CCDC88A: variants seen among roughly 807,000 people sequenced by gnomAD.
CCDC88A encodes girdin.
A neutral mutation model predicts 234.3 loss-of-function variants in CCDC88A; 54 were observed. The ratio of observed to expected loss-of-function variants is 0.23; its 90% CI spans 0.19 to 0.29. CCDC88A has a LOEUF of 0.29. CCDC88A is among the 10% of genes least tolerant of loss of function. CCDC88A has a pLI of 1.00. For missense variants in CCDC88A, 1,832 were observed against 2,123.4 expected, an observed-to-expected ratio of 0.86 and a Z score of 2.70; for synonymous variants, 753 against 737.8, an observed-to-expected ratio of 1.02 and a Z score of -0.33.
chr2:55,374,260 T>A (rs1240465848), intron 4 of CCDC88A, among the ~76,000 whole-genome samples: 1 of 152,006 alleles, frequency 6.6e-6, no homozygotes, highest in East Asian at 1.9e-4. Flanking sequence ...TCCAGCTACT[T>A]GGGAGGCTGA....
In CCDC88A at chr2:55,411,797, A is replaced by AC. The variant is rs1311136899; in HGVS notation, c.164+7018_164+7019insG. 9.2e-3 allele frequency among the ~76,000 whole-genome samples: 1,315 copies of AC among 143,388 alleles called. 39 individuals are homozygous for AC. The highest frequency in any genetic ancestry group is 0.014 in the Non-Finnish European group (908 of 65,934). The allele number at this position is 143,388 out of a possible 152,430, so 94.1% of individuals were successfully genotyped here. On this transcript the variant is annotated intron_variant, in intron 2 of 32. Coordinates refer to ENST00000436346, the MANE Select transcript of CCDC88A (RefSeq NM_001365480.1). Reference sequence around the variant, plus strand: ...TCCGTCTCAAAAAAAAAAAAAAAAAAAAAAAACTCAACATATTGGACAGGA... The same window carrying AC: ...TCCGTCTCAAAAAAAAAAAAAAAAAACAAAAAACTCAACATATTGGACAGGA...
At chr2:55,356,353 T>C (rs773584946) in intron 7 of CCDC88A, 1 of 151,974 alleles carries the variant, frequency 6.6e-6, no homozygotes, top group Admixed American at 6.5e-5. Flanking sequence ...GGCTGCATAG[T>C]ATCCCATGGT....
At chr2:55,401,433 C>CAAAAAAAAAAAAA (rs1418741634) in intron 2 of CCDC88A, among the ~76,000 whole-genome samples, 6,487 of 29,824 alleles carry the variant, frequency 0.22, 2,669 homozygotes, top group Admixed American at 0.26. Context: ...GACTCTGTCT[C>CAAAAAAAAAAAAA]CAAAAAAAAA....
At chr2:55,339,372 C>T (rs7561604) in intron 13 of CCDC88A, 92 bp downstream of exon 13, 7 of 1,112,372 alleles carry the variant, frequency 6.3e-6, no homozygotes, top group African/African-American at 3.3e-5. Context: ...TAACATTGAG[C>T]GTGCATTTAA....
At chr2:55,363,507 C>T (rs1483579607) in intron 6 of CCDC88A, 1 of 152,194 alleles carries the variant, frequency 6.6e-6, no homozygotes, top group African/African-American at 2.4e-5. Flanking sequence ...ATGAATGCTA[C>T]AAATCATTAA....
chr2:55,355,064 C>T (rs565899019), intron 8 of CCDC88A, among the ~76,000 whole-genome samples: 2 of 150,848 alleles, frequency 1.3e-5, no homozygotes, highest in Admixed American at 6.7e-5. Flanking sequence ...ACTGAAATGT[C>T]GTTATGTGGC....
intron 2 of CCDC88A, among the ~76,000 whole-genome samples, chr2:55,401,486 G>GTA (rs1295313684): frequency 4.5e-5 from 1 of 22,216 alleles, no homozygotes; most frequent in African/African-American, 1.4e-4. Flanking sequence ...GTGTATGTAT[G>GTA]TGTGTGTGTA....
chr2:55,304,644 G>C (rs1189331132), intron 25 of CCDC88A, among the ~76,000 whole-genome samples: 1 of 152,092 alleles, frequency 6.6e-6, no homozygotes, highest in Non-Finnish European at 1.5e-5. Flanking sequence ...ATTTTGAAGA[G>C]CTTTTTGAAG....
At chr2:55,370,294 C>T (rs1431381238) in intron 5 of CCDC88A, among the ~76,000 whole-genome samples, 2 of 152,078 alleles carry the variant, frequency 1.3e-5, no homozygotes, top group African/African-American at 2.4e-5. Flanking sequence ...ATGATGGTCT[C>T]CTTGAGCCTT....
chr2:55,375,468 ACTATATATAT>A lies in CCDC88A; in HGVS notation c.274-595_274-586del, dbSNP rs1673483262. On this transcript the variant is annotated intron_variant, in intron 3 of 32. Coordinates refer to ENST00000436346, the MANE Select transcript of CCDC88A (RefSeq NM_001365480.1). ...TCAAATTTATAAGTACTGTCACTGT[ACTATATATAT>A]ATATATATATATATATATATATATA... Among the ~76,000 whole-genome samples, 13 of 129,714 alleles carry A rather than the reference ACTATATATAT, an allele frequency of 1.0e-4. 1 individual carries two copies. Among genetic ancestry groups the A allele is most frequent in the East Asian group, 2.8e-4 (1 of 3,524 alleles). The allele number at this position is 129,714 out of a possible 152,430, so 85.1% of individuals were successfully genotyped here. A position where few individuals can be genotyped will look rare whatever the true frequency, so the allele number is the denominator to read the frequency against.
At chr2:55,395,772 A>G (rs1411184478) in intron 2 of CCDC88A, among the ~76,000 whole-genome samples, 2 of 152,240 alleles carry the variant, frequency 1.3e-5, no homozygotes, top group East Asian at 1.9e-4. Flanking sequence ...GATCTGCAGA[A>G]CAAGGAAGAC....
At chr2:55,417,673 G>C (rs1681712683) in intron 2 of CCDC88A, 1 of 151,956 alleles carries the variant, frequency 6.6e-6, no homozygotes, top group Non-Finnish European at 1.5e-5. Flanking sequence ...GGATCAACAT[G>C]TACATGAAAA....
chr2:55,362,287 T>C (rs1178492854), intron 7 of CCDC88A, 21 bp downstream of exon 7: 1 of 1,544,684 alleles, frequency 6.5e-7, no homozygotes, highest in Admixed American at 2.3e-5. Flanking sequence ...TTTCACAATA[T>C]ACTGAAAGAA....
At chr2:55,378,364 A>C (rs1222553732) in intron 3 of CCDC88A, among the ~76,000 whole-genome samples, 1 of 152,224 alleles carries the variant, frequency 6.6e-6, no homozygotes, top group Non-Finnish European at 1.5e-5. Context: ...CTAAATTCAA[A>C]CTTACCTCCA....
rs114386573 is a variant in CCDC88A, at chr2:55,408,858, C to T, written c.164+9958G>A. On this transcript the variant is annotated intron_variant, in intron 2 of 32. Coordinates refer to ENST00000436346, the MANE Select transcript of CCDC88A (RefSeq NM_001365480.1). The stretch of plus-strand genomic sequence containing the variant: ...TTGGGACCCCTTTCCAGTAACACAA[C>T]CTTTACTCTGTAAGTTCCTCCTGAT... 1.8e-3 allele frequency among the ~76,000 whole-genome samples: 269 copies of T among 152,228 alleles called. 2 individuals are homozygous for T. The highest frequency in any genetic ancestry group is 2.6e-3 in the Non-Finnish European group (176 of 68,030).
chr2:55,349,694 T>C, intron 8 of CCDC88A, 95 bp from the exon 9 acceptor site: 1 of 752,754 alleles, frequency 1.3e-6, no homozygotes, highest in South Asian at 1.8e-5. Flanking sequence ...ACTAAATAAC[T>C]AGTTGGACAT....
chr2:55,343,568 G>A (rs1036036243), intron 12 of CCDC88A, 80 bp downstream of exon 12: 46 of 1,081,614 alleles, frequency 4.3e-5, no homozygotes, highest in South Asian at 3.9e-4. Context: ...CTCCCACTGC[G>A]GAAAATAAAG....
At position 55,327,204 on chromosome 2, in the gene CCDC88A, T is replaced by C. The variant is rs540708742; in HGVS notation, c.2997+1090A>G. 5.3e-5 allele frequency among the ~76,000 whole-genome samples: 8 copies of C among 152,266 alleles called. No individual in the cohort carries two copies. The South Asian group carries it at 1.5e-3, about 28-fold the overall frequency. ...GTGACAAATAGCAGCAATAATGGTGTCAGCAAATAGTGGAAAAAAACTGGA... is the reference window on the plus strand; with the variant it reads ...GTGACAAATAGCAGCAATAATGGTGCCAGCAAATAGTGGAAAAAAACTGGA... On this transcript the variant is annotated intron_variant, in intron 17 of 32. Transcript: ENST00000436346.
Position 55,309,912 on chromosome 2 carries a change from A to T in CCDC88A, c.4080-658T>A, listed in dbSNP as rs185622825. On this transcript the variant is annotated intron_variant, in intron 23 of 32. Coordinates refer to ENST00000436346, the MANE Select transcript of CCDC88A (RefSeq NM_001365480.1). The surrounding 1 kb of genome is among the most constrained non-coding windows in gnomAD (Gnocchi z 5.1). ...ATAACATATAATATTGTGTGTGTGT[A>T]TATATATAAAATGACTATATAATCC... 1.5e-3 allele frequency among the ~76,000 whole-genome samples: 224 copies of T among 152,274 alleles called. No individual in the cohort carries two copies. Among genetic ancestry groups the T allele is most frequent in the African/African-American group, 5.1e-3 (214 of 41,568 alleles).
Sources: gnomAD v4.1 joint callset for allele counts (sites outside exome capture counted in the v4.1 genomes callset) on GRCh38, gnomAD v4.1.1 for gene constraint, Gnocchi (gnomAD v3.1) non-coding constraint, MANE v1.5 for transcripts, NCBI Gene and HGNC (gene_info 2026-07-23, HGNC 2026-07-21) for gene names.